The following FGR variants were observed in gnomAD, a reference collection of about 807,000 sequenced individuals.
The protein encoded by FGR is tyrosine-protein kinase Fgr.
Under a neutral mutation model 63.2 loss-of-function variants are expected in FGR, and 26 were observed. That is an observed-to-expected ratio of 0.41 (90% CI 0.30 to 0.57). The LOEUF is 0.57. Ranked by LOEUF, FGR falls within the 20% of genes least tolerant of loss-of-function variation. FGR has a pLI of 0.27. For missense variants in FGR, 511 were observed against 690.8 expected, an observed-to-expected ratio of 0.74 and a Z score of 2.92; for synonymous variants, 286 against 277.7, an observed-to-expected ratio of 1.03 and a Z score of -0.30.
At chr1:27,633,747 C>T (rs1474093646) in intron 1 of FGR, among the ~76,000 whole-genome samples, 3 of 152,126 alleles carry the variant, frequency 2.0e-5, no homozygotes, top group Non-Finnish European at 2.9e-5. Context: ...AGAGACAGGA[C>T]GGGGGTCTCC....
intron 1 of FGR, among the ~76,000 whole-genome samples, chr1:27,625,680 C>T (rs868316144): frequency 2.0e-5 from 3 of 152,234 alleles, no homozygotes; most frequent in South Asian, 2.1e-4. Flanking sequence ...GTGGCTCACG[C>T]CTATAATCCC....
chr1:27,623,516 CTG>C (rs1187766434), intron 3 of FGR, 173 bp downstream of exon 3: 1 of 712,504 alleles, frequency 1.4e-6, no homozygotes, highest in African/African-American at 1.7e-5. Flanking sequence ...CCCCTGCAGA[CTG>C]TGGTTTCTGA....
In FGR at chr1:27,617,810, C is replaced by T. The variant is rs922775291; in HGVS notation, c.429-514G>A. Reference sequence around the variant, plus strand: ...CAGAGCAGCACAGTCTCCTGCTTCTCTTCTCTCTGGCTGCTCCCGCCCCGG... The same window carrying T: ...CAGAGCAGCACAGTCTCCTGCTTCTTTTCTCTCTGGCTGCTCCCGCCCCGG... On this transcript the variant is annotated intron_variant, in intron 5 of 12. Transcript: ENST00000374005. The surrounding 1 kb of genome is among the most constrained non-coding windows in gnomAD (Gnocchi z 4.5). Among the ~76,000 whole-genome samples the T allele has an allele frequency of 1.2e-4, 19 of 152,218 alleles. No homozygotes were observed. Among genetic ancestry groups the T allele is most frequent in the Admixed American group, 9.8e-4 (15 of 15,284 alleles).
chr1:27,632,587 A>C (rs1174934548), intron 1 of FGR, among the ~76,000 whole-genome samples: 1 of 152,178 alleles, frequency 6.6e-6, no homozygotes, highest in South Asian at 2.1e-4. Context: ...TTTACCCTCC[A>C]TGTGGTCCCG....
intron 1 of FGR, among the ~76,000 whole-genome samples, chr1:27,629,473 AAC>A (rs1290230794): frequency 6.6e-5 from 10 of 151,576 alleles, no homozygotes; most frequent in Non-Finnish European, 8.8e-5. Flanking sequence ...AAGAGATAGA[AAC>A]AGAGAGAGGC....
intron 5 of FGR, among the ~76,000 whole-genome samples, chr1:27,618,673 C>T (rs560014199): frequency 2.0e-5 from 3 of 152,300 alleles, no homozygotes; most frequent in South Asian, 2.1e-4. Flanking sequence ...CTCTGAACCT[C>T]GCCTACCCGC....
chr1:27,615,346 C>G lies in FGR; in HGVS notation c.1018+88G>C. 7.0e-7 allele frequency: 1 copy of G among 1,438,576 alleles called. No homozygotes were observed. 89.1% of individuals were successfully genotyped at this position (1,438,576 alleles called of 1,614,324 possible). On this transcript the variant is annotated intron_variant, in intron 9 of 12. Coordinates refer to ENST00000374005, the MANE Select transcript of FGR (RefSeq NM_005248.3). The surrounding 1 kb of genome is among the most constrained non-coding windows in gnomAD (Gnocchi z 7.6). ...GGACTCTGCCCATTGTCCCTTGTCC[C>G]TCACAGATCGCGTCCCAGGTCCCAC...
chr1:27,619,912 T>G (rs921390285), intron 5 of FGR, among the ~76,000 whole-genome samples: 2 of 152,238 alleles, frequency 1.3e-5, no homozygotes, highest in Non-Finnish European at 2.9e-5. Flanking sequence ...ATTCTCACTC[T>G]GCAAAGTCTC....
Position 27,617,023 on chromosome 1 carries a change from T to C in FGR, c.533-17A>G, listed in dbSNP as rs2089826067. On this transcript the variant is annotated splice_polypyrimidine_tract_variant and intron_variant, in intron 6 of 12. Transcript: ENST00000374005. The surrounding 1 kb of genome is among the most constrained non-coding windows in gnomAD (Gnocchi z 4.5). ...AGTAGGCACCTGTGGAGAGGATCAC[T>C]TTTGATCTGCTGTTCTCCTCTGCCC... is the stretch of plus-strand genomic sequence containing the variant. The C allele has an allele frequency of 6.2e-7, 1 of 1,613,944 alleles. No individual in the cohort carries two copies. The highest frequency in any genetic ancestry group is 8.5e-7 in the Non-Finnish European group (1 of 1,179,966).
At chr1:27,614,773 G>A (rs985738159) in intron 10 of FGR, 77 bp downstream of exon 10, 32 of 1,430,676 alleles carry the variant, frequency 2.2e-5, no homozygotes, top group African/African-American at 8.5e-5. Flanking sequence ...GCCCTCCCAG[G>A]CGTTTGAAGG....
At chr1:27,619,246 A>ACAC (rs1432826224) in intron 5 of FGR, among the ~76,000 whole-genome samples, 4 of 152,158 alleles carry the variant, frequency 2.6e-5, no homozygotes, top group African/African-American at 4.8e-5. Flanking sequence ...GCTGGAGTGC[A>ACAC]GTGGCTCGAT....
Position 27,616,748 on chromosome 1 carries a change from C to T in FGR, c.682+109G>A, listed in dbSNP as rs112211635. 343 of 1,246,036 alleles carry T rather than the reference C, an allele frequency of 2.8e-4. No homozygotes were observed. The African/African-American group carries it at 4.6e-3, about 17-fold the overall frequency. 77.2% of individuals were successfully genotyped at this position (1,246,036 alleles called of 1,614,324 possible). A position where few individuals can be genotyped will look rare whatever the true frequency, so the allele number is the denominator to read the frequency against. On this transcript the variant is annotated intron_variant, in intron 7 of 12. Transcript: ENST00000374005. This position sits in a 1 kb window ranked among gnomAD's most constrained non-coding sequence, Gnocchi z 4.3. The stretch of plus-strand genomic sequence containing the variant: ...GACCCCATCCTTGGGTTCTGGTTTC[C>T]GTCTGGCCAATACTGCTTGGTAGTC...
At chr1:27,614,636 T>C in intron 10 of FGR, 53 bp from the exon 11 acceptor site, 1 of 1,596,220 alleles carries the variant, frequency 6.3e-7, no homozygotes, top group Non-Finnish European at 8.6e-7. Context: ...CACAACACCG[T>C]GGCCTGTTTG....
At chr1:27,625,693 C>A (rs1387176167) in intron 1 of FGR, among the ~76,000 whole-genome samples, 3 of 152,234 alleles carry the variant, frequency 2.0e-5, no homozygotes, top group Admixed American at 6.5e-5. Context: ...ATAATCCCAG[C>A]ACTTTGGGAG....
At chr1:27,633,607 T>A (rs1436835351) in intron 1 of FGR, among the ~76,000 whole-genome samples, 1 of 152,188 alleles carries the variant, frequency 6.6e-6, no homozygotes, top group Non-Finnish European at 1.5e-5. Context: ...TCTCACTCTC[T>A]CATCCAGGAG....
intron 3 of FGR, 118 bp from the exon 4 acceptor site, chr1:27,623,262 G>A (rs2231868): frequency 0.049 from 34,613 of 713,144 alleles, 1,121 homozygotes; most frequent in Non-Finnish European, 0.065. Flanking sequence ...TTAGTGCTCT[G>A]GTTCCCAAAG....
At chr1:27,627,261 C>T (rs1174395169) in intron 1 of FGR, among the ~76,000 whole-genome samples, 1 of 151,996 alleles carries the variant, frequency 6.6e-6, no homozygotes, top group African/African-American at 2.4e-5. Flanking sequence ...GCGCACCATG[C>T]TGATACCCAG....
chr1:27,613,564 A>T (rs1322617157), intron 11 of FGR, among the ~76,000 whole-genome samples: 1 of 151,926 alleles, frequency 6.6e-6, no homozygotes, highest in East Asian at 1.9e-4. Flanking sequence ...TTAGCCGGGC[A>T]TGGTGGCGGG....
At chr1:27,618,404 G>T (rs1257503310) in intron 5 of FGR, among the ~76,000 whole-genome samples, 2 of 152,110 alleles carry the variant, frequency 1.3e-5, no homozygotes, top group Non-Finnish European at 2.9e-5. Context: ...AGCTACTATT[G>T]TTAAACCCCA....
Sources: allele counts gnomAD v4.1 joint callset (sites outside exome capture counted in the v4.1 genomes callset), GRCh38; gene constraint gnomAD v4.1.1; non-coding constraint Gnocchi (gnomAD v3.1); transcripts MANE v1.5; gene names NCBI Gene and HGNC (gene_info 2026-07-23, HGNC 2026-07-21).